SLC7A1: variants seen among roughly 807,000 people sequenced by gnomAD.
SLC7A1 encodes high affinity cationic amino acid transporter 1.
SLC7A1 carries 10 observed loss-of-function variants against 53.9 expected under a neutral mutation model. That is an observed-to-expected ratio of 0.19 (90% confidence interval 0.11 to 0.31). The LOEUF is 0.31. Ranked by LOEUF, SLC7A1 falls within the 10% of genes least tolerant of loss-of-function variation. The probability of loss-of-function intolerance (pLI) is 1.00; values close to 1 mark genes in which losing one functional copy is unlikely to be tolerated. For missense variants in SLC7A1, 525 were observed against 827.2 expected (o/e 0.63, Z 4.48); for synonymous variants, 342 against 338.7 (o/e 1.01, Z -0.11).
intron 1 of SLC7A1, among the ~76,000 whole-genome samples, chr13:29,571,895 C>A (rs1475485070): frequency 6.6e-6 from 1 of 152,240 alleles, no homozygotes; most frequent in Admixed American, 6.5e-5. Context: ...TTTTGCTCAT[C>A]CCCTCCAACC....
intron 1 of SLC7A1, among the ~76,000 whole-genome samples, chr13:29,562,644 A>G (rs1870811487): frequency 6.6e-6 from 1 of 152,216 alleles, no homozygotes; most frequent in South Asian, 2.1e-4. Context: ...TACCTCGCAC[A>G]GTTATCATTG....
chr13:29,539,542 T>C (rs1368866632), intron 2 of SLC7A1, among the ~76,000 whole-genome samples: 2 of 152,196 alleles, frequency 1.3e-5, no homozygotes. Flanking sequence ...ATAACGGTTT[T>C]CTAACATAAT....
chr13:29,514,184 G>A lies in SLC7A1; in HGVS notation c.*296C>T, dbSNP rs376996443. 11 of 397,440 alleles carry A rather than the reference G, an allele frequency of 2.8e-5. No individual in the cohort carries two copies. Among genetic ancestry groups the A allele is most frequent in the South Asian group, 1.3e-4 (3 of 23,184 alleles). 24.6% of individuals were successfully genotyped at this position (397,440 alleles called of 1,614,324 possible). ...GTTCTGCCTGAGGCTGCGGCAGCTCGGGGCTGAGCTGGTAGGGGAGGAACT... is the reference window on the plus strand; with the variant it reads ...GTTCTGCCTGAGGCTGCGGCAGCTCAGGGCTGAGCTGGTAGGGGAGGAACT... On this transcript the variant is annotated 3_prime_UTR_variant, in exon 13 of 13. Transcript: ENST00000380752.
intron 2 of SLC7A1, among the ~76,000 whole-genome samples, chr13:29,549,776 C>T (rs916455353): frequency 2.0e-5 from 3 of 152,182 alleles, no homozygotes; most frequent in African/African-American, 7.2e-5. Flanking sequence ...GCAATCCTCC[C>T]ACCTCAGCCT....
At chr13:29,555,023 A>C (rs1234935585) in intron 1 of SLC7A1, among the ~76,000 whole-genome samples, 1 of 152,200 alleles carries the variant, frequency 6.6e-6, no homozygotes, top group Non-Finnish European at 1.5e-5. Flanking sequence ...TATAGCCACC[A>C]TGACAACTGA....
At chr13:29,572,555 A>G (rs192049266) in intron 1 of SLC7A1, among the ~76,000 whole-genome samples, 1 of 152,310 alleles carries the variant, frequency 6.6e-6, no homozygotes, top group Admixed American at 6.5e-5. Context: ...GGATGCCATC[A>G]GTTATCATCA....
rs755720947 is a variant in SLC7A1 at position 29,512,744 on chromosome 13, A to T, written c.*1736T>A. 1 of 152,152 alleles carries T rather than the reference A, an allele frequency of 6.6e-6. No homozygotes were observed. The highest frequency in any genetic ancestry group is 2.1e-4 in the South Asian group (1 of 4,830). 9.4% of individuals were successfully genotyped at this position (152,152 alleles called of 1,614,324 possible). A position where few individuals can be genotyped will look rare whatever the true frequency, so the allele number is the denominator to read the frequency against. ...CTCCCTCTGGAACATTCAAAATGAG[A>T]TCAGAATAAAGCTCCCAGCAAGGTG... On this transcript the variant is annotated 3_prime_UTR_variant, in exon 13 of 13. Coordinates refer to ENST00000380752, the MANE Select transcript of SLC7A1 (RefSeq NM_003045.5).
intron 2 of SLC7A1, among the ~76,000 whole-genome samples, chr13:29,548,819 A>G (rs1870043172): frequency 6.6e-6 from 1 of 152,202 alleles, no homozygotes; most frequent in Non-Finnish European, 1.5e-5. Context: ...CCTGACACAC[A>G]CGTAAAACAC....
intron 7 of SLC7A1, 59 bp from the exon 8 acceptor site, chr13:29,522,515 A>C: frequency 6.3e-7 from 1 of 1,587,682 alleles, no homozygotes; most frequent in South Asian, 1.1e-5. Context: ...TAAAGGCACC[A>C]CATCCAGCCA....
chr13:29,586,544 G>T (rs1044435596), intron 1 of SLC7A1, among the ~76,000 whole-genome samples: 3 of 152,070 alleles, frequency 2.0e-5, no homozygotes, highest in Admixed American at 6.5e-5. Context: ...CTTTGAAAAC[G>T]CCATTCTTAC....
At chr13:29,514,693 C>T in intron 12 of SLC7A1, 110 bp from the exon 13 acceptor site, 2 of 771,802 alleles carry the variant, frequency 2.6e-6, no homozygotes, top group South Asian at 1.7e-5. Context: ...GCGGCCTGCC[C>T]CTGCCTGGCA....
intron 1 of SLC7A1, among the ~76,000 whole-genome samples, chr13:29,560,015 C>A (rs3011608): frequency 0.073 from 11,134 of 152,078 alleles, 452 homozygotes; most frequent in Middle Eastern, 0.16. Flanking sequence ...GCACCCGGAC[C>A]TTTTTTTTAA....
rs554082563 is a variant in SLC7A1, at chr13:29,583,246, G to C, written c.-115+12170C>G. Among the ~76,000 whole-genome samples, 59 of 152,326 alleles carry C rather than the reference G, an allele frequency of 3.9e-4. 1 individual carries two copies. Among genetic ancestry groups the C allele is most frequent in the Non-Finnish European group, 4.0e-4 (27 of 68,038 alleles). On this transcript the variant is annotated intron_variant, in intron 1 of 12. Transcript: ENST00000380752. ...GTTCTGTTCCTTCAAGGAAGTCTAG[G>C]AACAAGGGCAATTCCCAGAACTCAA...
At chr13:29,549,818 C>T (rs1870092910) in intron 2 of SLC7A1, among the ~76,000 whole-genome samples, 1 of 152,172 alleles carries the variant, frequency 6.6e-6, no homozygotes, top group East Asian at 1.9e-4. Context: ...GCACACATCA[C>T]CACACCCAGT....
intron 3 of SLC7A1, among the ~76,000 whole-genome samples, chr13:29,533,694 T>C (rs2802250): frequency 0.95 from 144,136 of 152,194 alleles, 68,666 homozygotes; most frequent in Non-Finnish European, 1. Flanking sequence ...CACCCTCCGG[T>C]GCCGAAGAAC....
At position 29,517,131 on chromosome 13, in the gene SLC7A1, C is replaced by A; in HGVS notation, c.1677+13G>T. On this transcript the variant is annotated intron_variant, in intron 11 of 12. Transcript: ENST00000380752. ...TGTGTACCAGGGTTCCTTCCCTAGG[C>A]CGAGCTGCTCACCTTAAATGAGAGC... The A allele has an allele frequency of 6.3e-7, 1 of 1,583,380 alleles. No homozygotes were observed. Among genetic ancestry groups the A allele is most frequent in the Admixed American group, 1.8e-5 (1 of 56,868 alleles).
intron 1 of SLC7A1, chr13:29,586,869 A>G (rs2139191156): frequency 6.6e-6 from 1 of 152,364 alleles, no homozygotes; most frequent in Non-Finnish European, 1.5e-5. Flanking sequence ...GCACAGAACA[A>G]TACGTTTTCA....
At position 29,512,342 on chromosome 13, in the gene SLC7A1, A is replaced by G. The variant is rs1883418088; in HGVS notation, c.*2138T>C. ...GTCATGATGAGACTTGGAGCAGGGG[A>G]GACGCACCTTCTCAATCTACAAAAT... On this transcript the variant is annotated 3_prime_UTR_variant, in exon 13 of 13. Coordinates refer to ENST00000380752, the MANE Select transcript of SLC7A1 (RefSeq NM_003045.5). The G allele has an allele frequency of 1.3e-5, 2 of 152,220 alleles. No homozygotes were observed. Among genetic ancestry groups the G allele is most frequent in the African/African-American group, 4.8e-5 (2 of 41,446 alleles). 9.4% of individuals were successfully genotyped at this position (152,220 alleles called of 1,614,324 possible). A position where few individuals can be genotyped will look rare whatever the true frequency, so the allele number is the denominator to read the frequency against.
At chr13:29,533,307 T>C (rs947937260) in intron 3 of SLC7A1, among the ~76,000 whole-genome samples, 4 of 152,222 alleles carry the variant, frequency 2.6e-5, no homozygotes, top group African/African-American at 9.7e-5. Flanking sequence ...TCTGATAATA[T>C]TTAATGCTAC....
Sources: gnomAD v4.1 joint callset for allele counts (sites outside exome capture counted in the v4.1 genomes callset) on GRCh38, gnomAD v4.1.1 for gene constraint, MANE v1.5 for transcripts, NCBI Gene and HGNC (gene_info 2026-07-23, HGNC 2026-07-21) for gene names.